Variants in NIT2 observed in about 807,000 individuals in gnomAD.
NIT2 encodes the protein nitrilase family member 2, also known as omega-amidase NIT2.
A neutral mutation model predicts 42.7 loss-of-function variants in NIT2; 46 were observed. That is an observed-to-expected ratio of 1.08 (90% CI 0.85 to 1.38). The LOEUF (loss-of-function observed/expected upper bound fraction) is 1.38. Among genes scored for constraint, NIT2 ranks in the 40% most tolerant of loss-of-function variants. The pLI is 0.00. For synonymous variants in NIT2, 123 were observed against 121.9 expected, an observed-to-expected ratio of 1.01 and a Z score of -0.06; for missense variants, 309 against 342.5, an observed-to-expected ratio of 0.90 and a Z score of 0.77.
At chr3:100,337,241 T>A (rs930337018) in intron 1 of NIT2, among the ~76,000 whole-genome samples, 2 of 152,142 alleles carry the variant, frequency 1.3e-5, no homozygotes, top group African/African-American at 4.8e-5. Flanking sequence ...TATGTCTACT[T>A]CTTTCTACAC....
chr3:100,340,060 T>C, intron 3 of NIT2, 125 bp downstream of exon 3: 1 of 719,854 alleles, frequency 1.4e-6, no homozygotes, highest in Non-Finnish European at 2.2e-6. Flanking sequence ...AAGCAGAGAG[T>C]TTCTTTTTCT....
rs758178666 is a variant in NIT2, at chr3:100,346,227, A to G, written c.477A>G (p.Ala159=). 6.2e-7 allele frequency: 1 copy of G among 1,614,166 alleles called. No homozygotes were observed. The highest frequency in any genetic ancestry group is 2.2e-5 in the East Asian group (1 of 44,882). ...GCATCTGCTACGACATGCGGTTTGCAGAGCTTGCACAAATCTACGCACAGA... is the reference window on the plus strand; with the variant it reads ...GCATCTGCTACGACATGCGGTTTGCGGAGCTTGCACAAATCTACGCACAGA... ...GLGICYDMRF[A]ELAQIYAQRG... Residue 159 remains alanine (A), a synonymous_variant, in exon 6 of 10, where the codon GCA becomes GCG. Coordinates refer to ENST00000394140, the MANE Select transcript of NIT2 (RefSeq NM_020202.5).
intron 4 of NIT2, among the ~76,000 whole-genome samples, chr3:100,343,748 C>T (rs1393958683): frequency 1.3e-5 from 2 of 152,112 alleles, no homozygotes; most frequent in Non-Finnish European, 2.9e-5. Flanking sequence ...TCCAAGCAAA[C>T]AACAAGAAAA....
intron 7 of NIT2, chr3:100,349,800 C>T (rs1284629151): frequency 2.6e-5 from 4 of 152,184 alleles, no homozygotes; most frequent in Admixed American, 1.3e-4. Flanking sequence ...GGTGCCTTTC[C>T]TTAGTCTTCT....
In NIT2 at chr3:100,358,717, G is replaced by C. The variant is rs1706346335; in HGVS notation, c.*3449G>C. 3 of 152,178 alleles carry C rather than the reference G, an allele frequency of 2.0e-5. No individual in the cohort carries two copies. The highest frequency in any genetic ancestry group is 2.9e-5 in the Non-Finnish European group (2 of 68,028). 9.4% of individuals were successfully genotyped at this position (152,178 alleles called of 1,614,324 possible). ...CAAGGAGTAGATTGTGACATCGACT[G>C]GGTATTTAGGGAAGGACTCCTTCCT... On this transcript the variant is annotated 3_prime_UTR_variant, in exon 10 of 10. Transcript: ENST00000394140.
rs1399852075 is a variant in NIT2 at position 100,355,316 on chromosome 3, A to G, written c.*48A>G. ...CAGAATAGGACGATATGATTCTACA[A>G]CATAATCAACTCCCTATTAAATTCT... On this transcript the variant is annotated 3_prime_UTR_variant, in exon 10 of 10. Transcript: ENST00000394140. 1 of 1,334,004 alleles carries G rather than the reference A, an allele frequency of 7.5e-7. No homozygotes were observed. Among genetic ancestry groups the G allele is most frequent in the Admixed American group, 2.0e-5 (1 of 50,508 alleles). The allele number at this position is 1,334,004 out of a possible 1,614,324, so 82.6% of individuals were successfully genotyped here. A position where few individuals can be genotyped will look rare whatever the true frequency, so the allele number is the denominator to read the frequency against.
At chr3:100,342,549 G>T (rs1158518376) in intron 4 of NIT2, among the ~76,000 whole-genome samples, 1 of 149,720 alleles carries the variant, frequency 6.7e-6, no homozygotes, top group African/African-American at 2.5e-5. Flanking sequence ...GTTGCCCTGG[G>T]AATTATCATA....
At chr3:100,348,177 C>A (rs532004469) in intron 6 of NIT2, among the ~76,000 whole-genome samples, 1 of 152,310 alleles carries the variant, frequency 6.6e-6, no homozygotes, top group Admixed American at 6.5e-5. Flanking sequence ...CAGGCGTGAG[C>A]CAGCGCACCC....
rs143185928 is a variant in NIT2, at chr3:100,335,044, C to T, written c.7+246C>T. On this transcript the variant is annotated intron_variant, in intron 1 of 9. Transcript: ENST00000394140. ...AAAGCACCAGGCCACCCGGCCGCGC[C>T]GGCACCCGCCGCGTCCTGCTTGACA... The T allele has an allele frequency of 1.2e-3, 600 of 515,200 alleles. 5 individuals are homozygous for T. The highest frequency in any genetic ancestry group is 0.011 in the African/African-American group (543 of 48,696). 31.9% of individuals were successfully genotyped at this position (515,200 alleles called of 1,614,324 possible).
At chr3:100,350,952 C>T (rs1022813563) in intron 7 of NIT2, among the ~76,000 whole-genome samples, 3 of 151,712 alleles carry the variant, frequency 2.0e-5, no homozygotes, top group Admixed American at 6.6e-5. Flanking sequence ...TGAGAATATG[C>T]GGTGTTTGGT....
chr3:100,350,765 T>G (rs1706264763), intron 7 of NIT2, among the ~76,000 whole-genome samples: 1 of 152,170 alleles, frequency 6.6e-6, no homozygotes, highest in Non-Finnish European at 1.5e-5. Flanking sequence ...TGCAGGTTAG[T>G]TACATATGTA....
At chr3:100,341,374 A>G (rs1706149034) in intron 4 of NIT2, among the ~76,000 whole-genome samples, 1 of 152,044 alleles carries the variant, frequency 6.6e-6, no homozygotes, top group Non-Finnish European at 1.5e-5. Flanking sequence ...AACAAGCTAT[A>G]GTAATTTTTT....
At position 100,346,221 on chromosome 3, in the gene NIT2, G is replaced by A; in HGVS notation, c.471G>A (p.Arg157=). ...GTCTGGGCATCTGCTACGACATGCG[G>A]TTTGCAGAGCTTGCACAAATCTACG... is the stretch of plus-strand genomic sequence containing the variant. ...RVGLGICYDM[R]FAELAQIYAQ... The change falls in exon 6 of 10, where the codon CGG becomes CGA. Residue 157 remains arginine (R), a synonymous_variant. Transcript: ENST00000394140. The A allele has an allele frequency of 6.2e-7, 1 of 1,614,146 alleles. No homozygotes were observed. Among genetic ancestry groups the A allele is most frequent in the Non-Finnish European group, 8.5e-7 (1 of 1,179,990 alleles).
intron 5 of NIT2, chr3:100,345,894 T>G: frequency 1.7e-6 from 1 of 601,526 alleles, no homozygotes; most frequent in Non-Finnish European, 2.9e-6. Context: ...TAGCTTCCTG[T>G]TACGGCTTCC....
At chr3:100,340,903 T>C (rs187018951) in intron 3 of NIT2, among the ~76,000 whole-genome samples, 170 bp from the exon 4 acceptor site, 24 of 152,322 alleles carry the variant, frequency 1.6e-4, no homozygotes, top group East Asian at 7.7e-4. Context: ...GGAATACTTA[T>C]TCTGTATTAT....
Position 100,354,939 on chromosome 3 carries a change from C to T in NIT2, c.739+112C>T, listed in dbSNP as rs140690689. ...GGAGGGGTTCCTTTATGCCCCTTCTCATTGATCTCTGGGGATATTCTAGGG... is the reference window on the plus strand; with the variant it reads ...GGAGGGGTTCCTTTATGCCCCTTCTTATTGATCTCTGGGGATATTCTAGGG... On this transcript the variant is annotated intron_variant, in intron 9 of 9. Coordinates refer to ENST00000394140, the MANE Select transcript of NIT2 (RefSeq NM_020202.5). The T allele has an allele frequency of 1.6e-4, 148 of 901,770 alleles. 1 individual carries two copies. In the East Asian group the frequency reaches 3.6e-3, roughly 22 times the overall value. The allele number at this position is 901,770 out of a possible 1,614,324, so 55.9% of individuals were successfully genotyped here.
intron 7 of NIT2, among the ~76,000 whole-genome samples, chr3:100,351,372 G>A (rs1381482524): frequency 6.6e-6 from 1 of 152,218 alleles, no homozygotes; most frequent in Admixed American, 6.5e-5. Flanking sequence ...CAAGGCTACA[G>A]TAATCAAAAC....
rs371192631 is a variant in NIT2, at chr3:100,334,812, C to T, written c.7+14C>T. On this transcript the variant is annotated intron_variant, in intron 1 of 9. Coordinates refer to ENST00000394140, the MANE Select transcript of NIT2 (RefSeq NM_020202.5). ...GAGTCATGACCTGTAAGTGGCGCGG[C>T]CGCGCGCTGCAGCTCGAGTTCGGGC... The T allele has an allele frequency of 3.2e-4, 414 of 1,299,336 alleles. No homozygotes were observed. The highest frequency in any genetic ancestry group is 3.7e-4 in the Non-Finnish European group (381 of 1,019,866). 80.5% of individuals were successfully genotyped at this position (1,299,336 alleles called of 1,614,324 possible).
rs372960501 is a variant in NIT2 at position 100,352,461 on chromosome 3, C to G, written c.642C>G (p.Ala214=). 3 of 1,613,508 alleles carry G rather than the reference C, an allele frequency of 1.9e-6. No individual in the cohort carries two copies. The highest frequency in any genetic ancestry group is 2.5e-6 in the Non-Finnish European group (3 of 1,179,682). Residue 214 remains alanine (A), a synonymous_variant, in exon 8 of 10, where the codon GCC becomes GCG. Transcript: ENST00000394140. ...CCTCTCCTGCCCGGGATGACAAAGCCTCCTATGTTGCCTGGGGACACAGCA... is the reference window on the plus strand; with the variant it reads ...CCTCTCCTGCCCGGGATGACAAAGCGTCCTATGTTGCCTGGGGACACAGCA... ...ATASPARDDK[A]SYVAWGHSTV... is the part of the protein sequence containing the mutation.
Sources: allele counts gnomAD v4.1 joint callset (sites outside exome capture counted in the v4.1 genomes callset), GRCh38; gene constraint gnomAD v4.1.1; transcripts MANE v1.5; gene names NCBI Gene and HGNC (gene_info 2026-07-23, HGNC 2026-07-21).